The following DCTN4 variants were observed in gnomAD, a reference collection of about 807,000 sequenced individuals.
DCTN4 encodes dynactin subunit 4.
DCTN4 carries 23 observed loss-of-function variants against 62.7 expected under a neutral mutation model. The ratio of observed to expected loss-of-function variants is 0.37; its 90% CI spans 0.26 to 0.52. The LOEUF (loss-of-function observed/expected upper bound fraction) is 0.52. DCTN4 is among the 20% of genes least tolerant of loss of function. The pLI, the probability that DCTN4 is intolerant of heterozygous loss-of-function variation, is 0.92. For missense variants in DCTN4, 514 were observed against 580.4 expected (o/e 0.89, Z 1.18); for synonymous variants, 199 against 202.1 (o/e 0.98, Z 0.13).
At chr5:150,751,833 G>A (rs114247447) in intron 3 of DCTN4, among the ~76,000 whole-genome samples, 1 of 152,210 alleles carries the variant, frequency 6.6e-6, no homozygotes, top group African/African-American at 2.4e-5. Context: ...AAACCAAAGA[G>A]CAAATTCAAT....
rs1472324198 is a variant in DCTN4 at position 150,711,342 on chromosome 5, G to T, written c.1190C>A (p.Ala397Asp). Residue 397 changes from alanine to aspartate, a missense_variant, in exon 13 of 13, where the codon GCC (alanine) becomes GAC (aspartate). Ala to Asp is a moderately radical substitution (Grantham distance 126, BLOSUM62 -2). Transcript: ENST00000447998. ...TTTGATGAAAATACCCACTTTGTTG[G>T]CCTTTCTGAAGGCTATAATGCTATG... is the stretch of plus-strand genomic sequence containing the variant. ...DDPDIIAFRK[A>D]NKVGIFIKVT... 4 of 1,612,954 alleles carry T rather than the reference G, an allele frequency of 2.5e-6. No homozygotes were observed. In the Admixed American group the frequency reaches 6.7e-5, roughly 27 times the overall value.
At chr5:150,731,216 C>T in intron 6 of DCTN4, 60 bp from the exon 7 acceptor site, 2 of 1,180,576 alleles carry the variant, frequency 1.7e-6, no homozygotes, top group Admixed American at 3.5e-5. Flanking sequence ...ACGGATCCAC[C>T]TGATTATCCT....
chr5:150,758,950 T>C lies in DCTN4; in HGVS notation c.44A>G (p.Gln15Arg). The C allele has an allele frequency of 6.2e-7, 1 of 1,614,080 alleles. No homozygotes were observed. ...CGGGGCCCGAACCTTCTTTTCTCCC[T>C]GGACTAGATAGAGAACCCGGTCCGA... ...LQSDRVLYLV[Q>R]GEKKVRAPLS... Residue 15 changes from glutamine (Q) to arginine (R), a missense_variant, in exon 1 of 13, where the codon CAG becomes CGG. Transcript: ENST00000447998.
intron 3 of DCTN4, among the ~76,000 whole-genome samples, chr5:150,744,728 A>C (rs983276772): frequency 1.3e-5 from 2 of 152,144 alleles, no homozygotes; most frequent in Non-Finnish European, 2.9e-5. Flanking sequence ...TACTTTACAG[A>C]CAAGCAAATG....
chr5:150,722,800 A>AT (rs57924121), intron 9 of DCTN4, 107 bp downstream of exon 9: 33,548 of 566,976 alleles, frequency 0.059, 1 homozygote, highest in South Asian at 0.08. Flanking sequence ...TTTTGATGTA[A>AT]TTTTTTTTTT....
Position 150,718,347 on chromosome 5 carries a change from C to T in DCTN4, c.1000G>A (p.Glu334Lys). 1 of 1,614,062 alleles carries T rather than the reference C, an allele frequency of 6.2e-7. No individual in the cohort carries two copies. Among genetic ancestry groups the T allele is most frequent in the Non-Finnish European group, 8.5e-7 (1 of 1,179,970 alleles). The change falls in exon 11 of 13, where the codon GAG (glutamate) becomes AAG (lysine). Residue 334 changes from glutamate (E) to lysine (K), a missense_variant. Physicochemically the swap from Glu to Lys is moderately conservative, Grantham distance 56 (BLOSUM62 1). Transcript: ENST00000447998. ...QVLLTLTNPV[E>K]NLTHVTLFEC... ...AAGAGAGTCACATGGGTGAGGTTCTCAACTGGATTTGTAAGAGTCAGGAGG... is the reference window on the plus strand; with the variant it reads ...AAGAGAGTCACATGGGTGAGGTTCTTAACTGGATTTGTAAGAGTCAGGAGG...
chr5:150,752,069 GT>G (rs1480697089), intron 3 of DCTN4, among the ~76,000 whole-genome samples: 1 of 151,922 alleles, frequency 6.6e-6, no homozygotes, highest in African/African-American at 2.4e-5. Context: ...AGTTTAAAAT[GT>G]TTTTAGAAAA....
At chr5:150,716,409 T>C (rs1055664917) in intron 11 of DCTN4, among the ~76,000 whole-genome samples, 2 of 152,178 alleles carry the variant, frequency 1.3e-5, no homozygotes, top group African/African-American at 4.8e-5. Context: ...GTGATTATGG[T>C]CATGGAAAAC....
chr5:150,750,596 G>A (rs1378567200), intron 3 of DCTN4, among the ~76,000 whole-genome samples: 2 of 152,318 alleles, frequency 1.3e-5, no homozygotes, highest in East Asian at 3.9e-4. Flanking sequence ...AAACTGTGGT[G>A]AGTCATACAG....
At chr5:150,728,619 G>C (rs1003699782) in intron 8 of DCTN4, among the ~76,000 whole-genome samples, 5 of 151,998 alleles carry the variant, frequency 3.3e-5, no homozygotes, top group African/African-American at 1.2e-4. Context: ...TTTGTAAATT[G>C]AATCTTTTTT....
intron 8 of DCTN4, among the ~76,000 whole-genome samples, chr5:150,726,956 TTGTC>T (rs1266935836): frequency 1.3e-5 from 2 of 152,194 alleles, no homozygotes; most frequent in Non-Finnish European, 2.9e-5. Context: ...ACATGAAAAG[TTGTC>T]TGTCATTTGA....
chr5:150,723,045 T>C (rs1737155168), intron 8 of DCTN4, 65 bp from the exon 9 acceptor site: 3 of 1,202,582 alleles, frequency 2.5e-6, no homozygotes, highest in African/African-American at 1.5e-5. Flanking sequence ...TCCATAGAGC[T>C]GCTAAATTCA....
At chr5:150,728,879 CT>C (rs200501152) in intron 8 of DCTN4, among the ~76,000 whole-genome samples, 582 of 140,806 alleles carry the variant, frequency 4.1e-3, no homozygotes, top group Admixed American at 4.5e-3. Flanking sequence ...CACACACAAT[CT>C]TTTTTTTTTT....
At chr5:150,711,444 C>T (rs1759561602) in intron 12 of DCTN4, 82 bp from the exon 13 acceptor site, 7 of 1,073,552 alleles carry the variant, frequency 6.5e-6, no homozygotes, top group Non-Finnish European at 9.7e-6. Flanking sequence ...AGTCTTTCAC[C>T]TTATTCTTTC....
intron 8 of DCTN4, among the ~76,000 whole-genome samples, chr5:150,724,017 T>C (rs1454687654): frequency 2.6e-5 from 4 of 152,202 alleles, no homozygotes; most frequent in Admixed American, 6.5e-5. Flanking sequence ...ATGAGTGTTC[T>C]TGTACATGAA....
At chr5:150,748,841 G>T (rs1752560591) in intron 3 of DCTN4, among the ~76,000 whole-genome samples, 1 of 148,448 alleles carries the variant, frequency 6.7e-6, no homozygotes, top group African/African-American at 2.5e-5. Flanking sequence ...AATGCTAAAT[G>T]ACGAGTTAAT....
intron 3 of DCTN4, among the ~76,000 whole-genome samples, chr5:150,744,707 G>A (rs960801841): frequency 1.3e-5 from 2 of 151,756 alleles, no homozygotes; most frequent in African/African-American, 4.9e-5. Context: ...ATAAGTGAAG[G>A]AGAAATAAAA....
In DCTN4 at chr5:150,715,524, T is replaced by A. The variant is rs139070551; in HGVS notation, c.1169+41A>T. On this transcript the variant is annotated intron_variant, in intron 12 of 12. Transcript: ENST00000447998. ...CTGGATATAAGTGGGCATTCTATTA[T>A]CAGCCATTTGTTGTATGGGGATCAC... The A allele has an allele frequency of 5.6e-5, 84 of 1,505,010 alleles. No homozygotes were observed. In the African/African-American group the frequency reaches 1.0e-3, roughly 19 times the overall value. The allele number at this position is 1,505,010 out of a possible 1,614,324, so 93.2% of individuals were successfully genotyped here.
intron 8 of DCTN4, among the ~76,000 whole-genome samples, chr5:150,726,880 C>T (rs1391489177): frequency 1.3e-5 from 2 of 152,120 alleles, no homozygotes; most frequent in South Asian, 2.1e-4. Flanking sequence ...TGCTAAGGTA[C>T]GGTATGTCAG....
Sources: gnomAD v4.1 joint callset for allele counts (sites outside exome capture counted in the v4.1 genomes callset) on GRCh38, gnomAD v4.1.1 for gene constraint, MANE v1.5 for transcripts, NCBI Gene and HGNC (gene_info 2026-07-23, HGNC 2026-07-21) for gene names.